PCDHGA2: variants seen among roughly 807,000 people sequenced by gnomAD.
The protein encoded by PCDHGA2 is protocadherin gamma subfamily A, 2.
A neutral mutation model predicts 59.2 loss-of-function variants in PCDHGA2; 40 were observed. The observed-to-expected ratio is 0.68, with a 90% confidence interval of 0.52 to 0.88. The LOEUF is 0.88. Ranked by LOEUF, PCDHGA2 falls within the 40% of genes least tolerant of loss-of-function variation. PCDHGA2 has a pLI of 0.00. For synonymous variants in PCDHGA2, 560 were observed against 526.0 expected (o/e 1.06, Z -0.89); for missense variants, 1,226 against 1,204.0 (o/e 1.02, Z -0.27).
chr5:141,405,704 C>T (rs1589592020), intron 1 of PCDHGA2, among the ~76,000 whole-genome samples: 1 of 152,286 alleles, frequency 6.6e-6, no homozygotes, highest in East Asian at 1.9e-4. Context: ...TCTTGAATTC[C>T]TAACCTCAAG....
At chr5:141,478,785 A>C in intron 1 of PCDHGA2, 1 of 1,482,486 alleles carries the variant, frequency 6.7e-7, no homozygotes, top group Non-Finnish European at 9.0e-7. Flanking sequence ...GACCTAATTC[A>C]CATCCTCAGC....
Position 141,432,484 on chromosome 5 carries a change from G to A in PCDHGA2, c.2425-62323G>A, listed in dbSNP as rs1164877592. On this transcript the variant is annotated intron_variant, in intron 1 of 3. Transcript: ENST00000394576. The surrounding 1 kb of genome is among the most constrained non-coding windows in gnomAD (Gnocchi z 6.0). ...TCCCCACGGACGGTTCCACTGGCGTGGAGCTGGCTCCCCGCTCCGCAGAGC... is the reference window on the plus strand; with the variant it reads ...TCCCCACGGACGGTTCCACTGGCGTAGAGCTGGCTCCCCGCTCCGCAGAGC... 8.7e-6 allele frequency: 14 copies of A among 1,614,196 alleles called. No individual in the cohort carries two copies. Among genetic ancestry groups the A allele is most frequent in the Non-Finnish European group, 1.2e-5 (14 of 1,180,046 alleles).
chr5:141,401,761 A>T (rs2094191513), intron 1 of PCDHGA2, among the ~76,000 whole-genome samples: 1 of 152,210 alleles, frequency 6.6e-6, no homozygotes, highest in African/African-American at 2.4e-5. Flanking sequence ...ATTACATGGT[A>T]TAAGTCTTTT....
Position 141,491,925 on chromosome 5 carries a change from G to C in PCDHGA2, c.2425-2882G>C. On this transcript the variant is annotated intron_variant, in intron 1 of 3. Coordinates refer to ENST00000394576, the MANE Select transcript of PCDHGA2 (RefSeq NM_018915.4). This position sits in a 1 kb window ranked among gnomAD's most constrained non-coding sequence, Gnocchi z 6.9. ...GGGTGGTGGCGACTGTGGGCGAGGG[G>C]AGGTGGGACCGACCCCCACCCCTAC... 1 of 1,325,176 alleles carries C rather than the reference G, an allele frequency of 7.5e-7. No individual in the cohort carries two copies. Among genetic ancestry groups the C allele is most frequent in the Non-Finnish European group, 1.0e-6 (1 of 987,300 alleles). The allele number at this position is 1,325,176 out of a possible 1,614,324, so 82.1% of individuals were successfully genotyped here.
intron 1 of PCDHGA2, among the ~76,000 whole-genome samples, chr5:141,363,979 A>G (rs1179984185): frequency 6.6e-6 from 1 of 152,272 alleles, no homozygotes; most frequent in Non-Finnish European, 1.5e-5. Flanking sequence ...GCTATTCAGA[A>G]TTAAAGCTGA....
chr5:141,366,806 TC>T, intron 1 of PCDHGA2: 1 of 1,560,888 alleles, frequency 6.4e-7, no homozygotes, highest in Admixed American at 1.9e-5. Flanking sequence ...GTTTCCTTTT[TC>T]ATGTTTCTGT....
chr5:141,425,478 G>A (rs2096877750), intron 1 of PCDHGA2, among the ~76,000 whole-genome samples: 1 of 152,148 alleles, frequency 6.6e-6, no homozygotes, highest in Admixed American at 6.5e-5. Flanking sequence ...AATTCCTATG[G>A]CAACCTACTA....
chr5:141,339,140 C>T lies in PCDHGA2; in HGVS notation c.169C>T (p.Leu57=). ...NIAKDLGLEP[L]ALAEQGVRIV... is the part of the protein sequence containing the mutation. ...CGCCAAGGACTTGGGTTTGGAGCCC[C>T]TGGCACTGGCAGAGCAGGGAGTCCG... Residue 57 remains leucine, a synonymous_variant, in exon 1 of 4, where the codon CTG becomes TTG. Coordinates refer to ENST00000394576, the MANE Select transcript of PCDHGA2 (RefSeq NM_018915.4). The T allele has an allele frequency of 6.8e-6, 11 of 1,614,216 alleles. No individual in the cohort carries two copies. The highest frequency in any genetic ancestry group is 9.3e-6 in the Non-Finnish European group (11 of 1,180,006).
intron 2 of PCDHGA2, among the ~76,000 whole-genome samples, chr5:141,504,947 A>G (rs1595930930): frequency 6.6e-6 from 1 of 152,200 alleles, no homozygotes; most frequent in Non-Finnish European, 1.5e-5. Context: ...GGAATGCACT[A>G]TGTTCAATGC....
chr5:141,365,523 T>C lies in PCDHGA2; in HGVS notation c.2424+24128T>C, dbSNP rs1445858385. 1 of 1,613,750 alleles carries C rather than the reference T, an allele frequency of 6.2e-7. No homozygotes were observed. The highest frequency in any genetic ancestry group is 1.7e-5 in the Admixed American group (1 of 60,002). ...TTGCCTTTTAAATTGGAGAAGTCAG[T>C]TGATAATTACTATCACCTATTAACA... is the stretch of plus-strand genomic sequence containing the variant. On this transcript the variant is annotated intron_variant, in intron 1 of 3. Coordinates refer to ENST00000394576, the MANE Select transcript of PCDHGA2 (RefSeq NM_018915.4).
At chr5:141,475,448 G>C (rs774710049) in intron 1 of PCDHGA2, among the ~76,000 whole-genome samples, 1 of 152,214 alleles carries the variant, frequency 6.6e-6, no homozygotes, top group African/African-American at 2.4e-5. Context: ...CAGATAATGA[G>C]GAAGTGACAG....
At chr5:141,470,736 C>A (rs541510544) in intron 1 of PCDHGA2, among the ~76,000 whole-genome samples, 1 of 152,092 alleles carries the variant, frequency 6.6e-6, no homozygotes, top group Non-Finnish European at 1.5e-5. Context: ...CTTGCTCTGT[C>A]GCCCTGGCTG....
intron 1 of PCDHGA2, chr5:141,374,322 G>A: frequency 6.2e-7 from 1 of 1,613,980 alleles, no homozygotes; most frequent in Middle Eastern, 1.7e-4. Context: ...CTGAATCCGC[G>A]AAACGGCAGC....
rs146814680 is a variant in PCDHGA2 at position 141,340,081 on chromosome 5, T to C, written c.1110T>C (p.Asn370=). The C allele has an allele frequency of 1.2e-6, 2 of 1,614,090 alleles. No homozygotes were observed. The highest frequency in any genetic ancestry group is 1.7e-6 in the Non-Finnish European group (2 of 1,179,994). The change falls in exon 1 of 4, where the codon AAT becomes AAC. Residue 370 remains asparagine, a synonymous_variant. Coordinates refer to ENST00000394576, the MANE Select transcript of PCDHGA2 (RefSeq NM_018915.4). ...CAGGAACCATAATTGGGCTTTTTAA[T>C]GTACATGATAGAGACTCTGGGCAGA... ...SLPGTIIGLF[N]VHDRDSGQNA... is the part of the protein sequence containing the mutation.
chr5:141,436,240 G>T (rs192988618), intron 1 of PCDHGA2, among the ~76,000 whole-genome samples: 1 of 152,082 alleles, frequency 6.6e-6, no homozygotes. Context: ...AGCTAACATG[G>T]TCTAATTATT....
chr5:141,345,012 C>G (rs1161806244), intron 1 of PCDHGA2: 3 of 1,613,844 alleles, frequency 1.9e-6, no homozygotes, highest in Middle Eastern at 1.6e-4. Context: ...TGGACCAGGT[C>G]TTCTTTCAAG....
In PCDHGA2 at chr5:141,338,798, G is replaced by A; in HGVS notation, c.-174G>A. 2 of 1,361,880 alleles carry A rather than the reference G, an allele frequency of 1.5e-6. No individual in the cohort carries two copies. The highest frequency in any genetic ancestry group is 1.9e-6 in the Non-Finnish European group (2 of 1,062,830). 84.4% of individuals were successfully genotyped at this position (1,361,880 alleles called of 1,614,324 possible). A position where few individuals can be genotyped will look rare whatever the true frequency, so the allele number is the denominator to read the frequency against. ...GGCTCCCACAGCACAAGGGGGTGGA[G>A]GTTTGGCCCTAAAGCTTCAGGACAC... On this transcript the variant is annotated 5_prime_UTR_variant, in exon 1 of 4. Coordinates refer to ENST00000394576, the MANE Select transcript of PCDHGA2 (RefSeq NM_018915.4).
intron 1 of PCDHGA2, among the ~76,000 whole-genome samples, chr5:141,482,530 CAAAA>C (rs3074545): frequency 9.1e-5 from 7 of 76,540 alleles, no homozygotes; most frequent in South Asian, 4.6e-4. Flanking sequence ...GACAGACATG[CAAAA>C]AAAAAAAAAA....
At chr5:141,366,801 C>T (rs1185271007) in intron 1 of PCDHGA2, 2 of 1,564,024 alleles carry the variant, frequency 1.3e-6, no homozygotes, top group African/African-American at 1.4e-5. Context: ...CATTTGTTTC[C>T]TTTTTCATGT....
Sources: gnomAD v4.1 joint callset for allele counts (sites outside exome capture counted in the v4.1 genomes callset) on GRCh38, gnomAD v4.1.1 for gene constraint, Gnocchi (gnomAD v3.1) non-coding constraint, MANE v1.5 for transcripts, NCBI Gene and HGNC (gene_info 2026-07-23, HGNC 2026-07-21) for gene names.